Variants in LRP1B observed in about 807,000 individuals in gnomAD.
LRP1B encodes the protein low-density lipoprotein receptor-related protein 1B.
In LRP1B, 217 loss-of-function variants were observed where a neutral mutation model predicts 556.6. That is an observed-to-expected ratio of 0.39 (90% CI 0.35 to 0.44). The LOEUF is 0.44. Ranked by LOEUF, LRP1B falls within the 20% of genes least tolerant of loss-of-function variation. The pLI is 1.00. For synonymous variants in LRP1B, 2,047 were observed against 1,865.8 expected (o/e 1.10, Z -2.50); for missense variants, 5,053 against 5,620.8 (o/e 0.90, Z 3.23).
At chr2:140,828,410 C>T (rs1573772742) in intron 31 of LRP1B, among the ~76,000 whole-genome samples, 1 of 149,356 alleles carries the variant, frequency 6.7e-6, no homozygotes, top group Non-Finnish European at 1.5e-5. Context: ...GAGATCGAGA[C>T]CATCCTGGCT....
At chr2:140,261,724 C>T (rs1573700991) in intron 86 of LRP1B, among the ~76,000 whole-genome samples, 1 of 140,972 alleles carries the variant, frequency 7.1e-6, no homozygotes, top group South Asian at 2.1e-4. Context: ...AGTAAATAAA[C>T]ATAAGAGTGT....
intron 60 of LRP1B, among the ~76,000 whole-genome samples, chr2:140,463,139 C>T (rs1427207147): frequency 2.0e-5 from 3 of 152,014 alleles, no homozygotes; most frequent in Non-Finnish European, 2.9e-5. Flanking sequence ...AGTGATTTAA[C>T]GTGACAAAGA....
In LRP1B at chr2:141,273,538, A is replaced by C. The variant is rs144091306; in HGVS notation, c.344-18897T>G. On this transcript the variant is annotated intron_variant, in intron 3 of 90. Coordinates refer to ENST00000389484, the MANE Select transcript of LRP1B (RefSeq NM_018557.3). ...AACTGGAAATCCACATGCAAAAAAAATAAAGTTGGAAACTTCCTATGCCAC... is the reference window on the plus strand; with the variant it reads ...AACTGGAAATCCACATGCAAAAAAACTAAAGTTGGAAACTTCCTATGCCAC... Among the ~76,000 whole-genome samples the C allele has an allele frequency of 6.5e-3, 995 of 152,326 alleles. 12 individuals carry two copies. The highest frequency in any genetic ancestry group is 0.041 in the South Asian group (199 of 4,824).
At chr2:141,632,627 GA>G (rs1165667191) in intron 2 of LRP1B, among the ~76,000 whole-genome samples, 1 of 152,140 alleles carries the variant, frequency 6.6e-6, no homozygotes, top group Non-Finnish European at 1.5e-5. Context: ...GCATGTGATA[GA>G]GAAAGTTTTT....
chr2:141,852,682 G>A (rs550344077), intron 1 of LRP1B, among the ~76,000 whole-genome samples: 55 of 151,732 alleles, frequency 3.6e-4, no homozygotes, highest in African/African-American at 1.3e-3. Context: ...ACAGCATTTC[G>A]AGTAATTTGG....
chr2:140,727,139 G>A (rs1402023046), intron 35 of LRP1B, among the ~76,000 whole-genome samples: 1 of 152,108 alleles, frequency 6.6e-6, no homozygotes, highest in Non-Finnish European at 1.5e-5. Context: ...TGATTTATAA[G>A]TAAATAGTAA....
At chr2:140,319,098 T>C (rs146825494) in intron 82 of LRP1B, among the ~76,000 whole-genome samples, 5 of 152,198 alleles carry the variant, frequency 3.3e-5, no homozygotes, top group Middle Eastern at 3.4e-3. Flanking sequence ...GTCATGTCCT[T>C]GCAGGGTATT....
At chr2:140,725,206 A>G (rs370226961) in intron 35 of LRP1B, among the ~76,000 whole-genome samples, 46 of 152,308 alleles carry the variant, frequency 3.0e-4, no homozygotes, top group African/African-American at 1.0e-3. Flanking sequence ...TTACTCTTTT[A>G]AAGATATTTT....
chr2:141,580,196 G>A (rs1283431596), intron 2 of LRP1B, among the ~76,000 whole-genome samples: 1 of 152,084 alleles, frequency 6.6e-6, no homozygotes, highest in African/African-American at 2.4e-5. Flanking sequence ...TACAAAATGA[G>A]TCTTCTATGT....
intron 43 of LRP1B, among the ~76,000 whole-genome samples, chr2:140,584,456 A>G (rs1241487426): frequency 2.6e-5 from 4 of 152,038 alleles, no homozygotes; most frequent in Non-Finnish European, 5.9e-5. Flanking sequence ...ATCTTTGTAG[A>G]TGAATTTATA....
intron 77 of LRP1B, among the ~76,000 whole-genome samples, chr2:140,341,684 G>A (rs77118185): frequency 0.02 from 3,071 of 151,448 alleles, 37 homozygotes; most frequent in African/African-American, 0.028. Context: ...GGAACAAAAC[G>A]TTGTGTCTGG....
intron 3 of LRP1B, among the ~76,000 whole-genome samples, chr2:141,279,125 T>G (rs990462054): frequency 7.2e-5 from 11 of 152,114 alleles, no homozygotes; most frequent in Admixed American, 7.2e-4. Flanking sequence ...CATTTTAAAT[T>G]AACAGTTTTT....
chr2:141,133,437 G>T (rs1340770069), intron 7 of LRP1B, among the ~76,000 whole-genome samples: 3 of 151,700 alleles, frequency 2.0e-5, no homozygotes, highest in Non-Finnish European at 4.4e-5. Flanking sequence ...GAGACTTATT[G>T]GATGGATAAC....
chr2:141,014,322 A>C (rs1697841316), intron 13 of LRP1B, among the ~76,000 whole-genome samples: 1 of 152,220 alleles, frequency 6.6e-6, no homozygotes, highest in African/African-American at 2.4e-5. Context: ...GTAAATAGAT[A>C]AAAACTCACT....
chr2:140,692,462 T>C (rs1224749402), intron 41 of LRP1B, among the ~76,000 whole-genome samples: 1 of 152,144 alleles, frequency 6.6e-6, no homozygotes, highest in Admixed American at 6.5e-5. Flanking sequence ...TTGTACAAAA[T>C]TGTAATTTTC....
At chr2:141,529,119 C>T (rs1230243997) in intron 2 of LRP1B, among the ~76,000 whole-genome samples, 1 of 152,200 alleles carries the variant, frequency 6.6e-6, no homozygotes, top group Admixed American at 6.6e-5. Context: ...GGCCTGTGGC[C>T]TGGCCTTGTG....
At chr2:140,655,142 T>G (rs1396168381) in intron 41 of LRP1B, among the ~76,000 whole-genome samples, 1 of 152,102 alleles carries the variant, frequency 6.6e-6, no homozygotes, top group African/African-American at 2.4e-5. Flanking sequence ...ATGCTCAACA[T>G]GTAATACATG....
chr2:142,047,132 T>C (rs1404490941), intron 1 of LRP1B, among the ~76,000 whole-genome samples: 1 of 151,948 alleles, frequency 6.6e-6, no homozygotes. Flanking sequence ...TTGTTGTACT[T>C]AGGTCACACA....
At chr2:141,903,685 A>G (rs1467829202) in intron 1 of LRP1B, among the ~76,000 whole-genome samples, 2 of 151,982 alleles carry the variant, frequency 1.3e-5, no homozygotes, top group East Asian at 3.9e-4. Context: ...TACACTAGGC[A>G]TTGGTGAAAC....
Sources: gnomAD v4.1 joint callset for allele counts (sites outside exome capture counted in the v4.1 genomes callset) on GRCh38, gnomAD v4.1.1 for gene constraint, MANE v1.5 for transcripts, NCBI Gene and HGNC (gene_info 2026-07-23, HGNC 2026-07-21) for gene names.